ECPAS: variants seen among roughly 807,000 people sequenced by gnomAD.
ECPAS encodes Ecm29 proteasome adaptor and scaffold.
In ECPAS, 70 loss-of-function variants were observed where a neutral mutation model predicts 255.1. The observed-to-expected ratio is 0.27, with a 90% CI of 0.23 to 0.33. The LOEUF (loss-of-function observed/expected upper bound fraction) is 0.33. Among genes scored for constraint, ECPAS ranks in the 10% least tolerant of loss-of-function variants. The pLI is 1.00. For missense variants in ECPAS, 1,817 were observed against 2,206.4 expected (o/e 0.82, Z 3.54); for synonymous variants, 784 against 775.0 (o/e 1.01, Z -0.19).
chr9:111,426,946 CTGGG>C (rs2098222569), intron 10 of ECPAS, among the ~76,000 whole-genome samples: 1 of 152,076 alleles, frequency 6.6e-6, no homozygotes, highest in Non-Finnish European at 1.5e-5. Context: ...GCACTCCAGT[CTGGG>C]TGGCACAGAA....
At chr9:111,389,430 C>G (rs2098155805) in intron 31 of ECPAS, 126 bp downstream of exon 31, 2 of 823,216 alleles carry the variant, frequency 2.4e-6, no homozygotes, top group African/African-American at 3.5e-5. Flanking sequence ...GAATGAAAGA[C>G]AATTTATTTG....
intron 1 of ECPAS, chr9:111,483,608 T>G: frequency 1.1e-5 from 4 of 373,872 alleles, no homozygotes; most frequent in Non-Finnish European, 1.5e-5. Flanking sequence ...GGCTCGCGGC[T>G]CGCGGTGCGG....
At chr9:111,461,069 ATTCT>A (rs1031489898) in intron 2 of ECPAS, among the ~76,000 whole-genome samples, 1 of 152,160 alleles carries the variant, frequency 6.6e-6, no homozygotes, top group African/African-American at 2.4e-5. Flanking sequence ...AAAAAAGTTG[ATTCT>A]TTCTATAATT....
At chr9:111,450,117 C>T (rs1331326690) in intron 3 of ECPAS, among the ~76,000 whole-genome samples, 1 of 152,200 alleles carries the variant, frequency 6.6e-6, no homozygotes, top group African/African-American at 2.4e-5. Context: ...ATTTCCCCAA[C>T]TAGGTGTTGT....
chr9:111,375,572 C>A (rs556101720), intron 37 of ECPAS, among the ~76,000 whole-genome samples: 228 of 152,234 alleles, frequency 1.5e-3, no homozygotes, highest in Non-Finnish European at 3.0e-3. Context: ...CCCTACCAAA[C>A]CCCCTCTAAT....
chr9:111,401,617 A>G (rs988407186), intron 24 of ECPAS, among the ~76,000 whole-genome samples: 2 of 152,240 alleles, frequency 1.3e-5, no homozygotes, highest in African/African-American at 4.8e-5. Flanking sequence ...GCCTGAGGGC[A>G]CTGCAGGAGA....
intron 35 of ECPAS, among the ~76,000 whole-genome samples, chr9:111,380,333 G>A (rs1290719110): frequency 6.6e-6 from 1 of 151,982 alleles, no homozygotes; most frequent in African/African-American, 2.4e-5. Context: ...TTTTTGTTTT[G>A]TTGTTATTTT....
At chr9:111,461,268 T>C (rs909425639) in intron 2 of ECPAS, among the ~76,000 whole-genome samples, 3 of 149,284 alleles carry the variant, frequency 2.0e-5, no homozygotes, top group African/African-American at 7.5e-5. Context: ...GAGACCAGCC[T>C]GGGCAACATG....
At chr9:111,406,755 T>C (rs1246784855) in intron 24 of ECPAS, among the ~76,000 whole-genome samples, 2 of 149,084 alleles carry the variant, frequency 1.3e-5, no homozygotes, top group Admixed American at 6.6e-5. Context: ...AATTAAAATA[T>C]TAGCCAGGCA....
chr9:111,459,655 C>T (rs1378114704), intron 2 of ECPAS, among the ~76,000 whole-genome samples: 1 of 152,068 alleles, frequency 6.6e-6, no homozygotes, highest in Non-Finnish European at 1.5e-5. Context: ...GCTCATCATA[C>T]GGAGGCATAA....
At chr9:111,379,334 C>T (rs1026500747) in intron 35 of ECPAS, among the ~76,000 whole-genome samples, 1 of 152,206 alleles carries the variant, frequency 6.6e-6, no homozygotes, top group African/African-American at 2.4e-5. Context: ...GTTTTGTTTA[C>T]ACTATATTGT....
Position 111,440,666 on chromosome 9 carries a change from T to C in ECPAS, c.390-145A>G, listed in dbSNP as rs2098244578. 3 of 616,814 alleles carry C rather than the reference T, an allele frequency of 4.9e-6. No individual in the cohort carries two copies. In the African/African-American group the frequency reaches 5.5e-5, roughly 11 times the overall value. 38.2% of individuals were successfully genotyped at this position (616,814 alleles called of 1,614,324 possible). On this transcript the variant is annotated intron_variant, in intron 5 of 49. Coordinates refer to ENST00000684092, the MANE Select transcript of ECPAS (RefSeq NM_001364929.1). ...TTTTCAACACTACTAATTTACAAAG[T>C]CCTAATCTAGGGACTGGCCTAGAAT...
chr9:111,428,115 C>T lies in ECPAS; in HGVS notation c.977G>A (p.Arg326Lys). 6.2e-7 allele frequency: 1 copy of T among 1,613,014 alleles called. No homozygotes were observed. The highest frequency in any genetic ancestry group is 1.1e-5 in the South Asian group (1 of 90,898). Residue 326 changes from arginine (R) to lysine (K), a missense_variant, in exon 10 of 50, where the codon AGA becomes AAA. Coordinates refer to ENST00000684092, the MANE Select transcript of ECPAS (RefSeq NM_001364929.1). The part of the protein sequence containing the change: ...PELKRDPVST[R>K]VKLKIVPHLL... ...ATGGGGGACAATCTTTAACTTGACT[C>T]TTGTACTGACAGGGTCCCTTTTCAA...
chr9:111,365,612 G>A (rs1446911764), intron 48 of ECPAS: 2 of 152,674 alleles, frequency 1.3e-5, no homozygotes, highest in East Asian at 1.9e-4. Context: ...GTTGCAATGA[G>A]CTGAGATCAC....
intron 7 of ECPAS, among the ~76,000 whole-genome samples, chr9:111,436,027 A>G (rs2098237698): frequency 6.6e-6 from 1 of 150,698 alleles, no homozygotes; most frequent in Non-Finnish European, 1.5e-5. Context: ...ATAATAGTTT[A>G]AGGAGGAAAA....
At chr9:111,409,540 A>G (rs1246587881) in intron 23 of ECPAS, among the ~76,000 whole-genome samples, 2 of 151,834 alleles carry the variant, frequency 1.3e-5, no homozygotes, top group Non-Finnish European at 2.9e-5. Flanking sequence ...CTTTAGCTTG[A>G]GCAGCAAGAG....
chr9:111,462,884 A>G (rs2098274865), intron 2 of ECPAS, among the ~76,000 whole-genome samples: 2 of 152,030 alleles, frequency 1.3e-5, no homozygotes, highest in East Asian at 3.9e-4. Context: ...CTGGGATTAC[A>G]GGCATGCGCC....
chr9:111,399,551 C>T (rs1383904102), intron 24 of ECPAS, among the ~76,000 whole-genome samples: 1 of 152,180 alleles, frequency 6.6e-6, no homozygotes, highest in Non-Finnish European at 1.5e-5. Flanking sequence ...CAAATCTGGG[C>T]CAGAGGGGAA....
intron 2 of ECPAS, among the ~76,000 whole-genome samples, chr9:111,452,250 T>C (rs763832901): frequency 1.7e-4 from 26 of 152,320 alleles, no homozygotes; most frequent in Non-Finnish European, 3.8e-4. Flanking sequence ...TATAATGGTA[T>C]TGTGGTTAGG....
Sources: allele counts gnomAD v4.1 joint callset (sites outside exome capture counted in the v4.1 genomes callset), GRCh38; gene constraint gnomAD v4.1.1; transcripts MANE v1.5; gene names NCBI Gene and HGNC (gene_info 2026-07-23, HGNC 2026-07-21).